Variants in DIP2C observed in about 807,000 individuals in gnomAD.
DIP2C encodes the protein DIP2 acetate--CoA ligase C (putative), also known as disco-interacting protein 2 homolog C.
DIP2C carries 33 observed loss-of-function variants against 192.4 expected under a neutral mutation model. The observed-to-expected ratio is 0.17, with a 90% CI of 0.13 to 0.23. DIP2C has a LOEUF of 0.23. Ranked by LOEUF, DIP2C falls within the 10% of genes least tolerant of loss-of-function variation. DIP2C has a pLI of 1.00. For synonymous variants in DIP2C, 979 were observed against 864.1 expected (o/e 1.13, Z -2.33); for missense variants, 1,537 against 2,110.1 (o/e 0.73, Z 5.32).
chr10:508,970 A>AC (rs1280724727), intron 1 of DIP2C, among the ~76,000 whole-genome samples: 1 of 152,090 alleles, frequency 6.6e-6, no homozygotes, highest in Non-Finnish European at 1.5e-5. Context: ...CATCCTGGGC[A>AC]CCCCTTCACA....
intron 10 of DIP2C, among the ~76,000 whole-genome samples, chr10:392,830 ACG>A (rs201987407): frequency 2.7e-5 from 4 of 147,026 alleles, no homozygotes; most frequent in Admixed American, 1.3e-4. Context: ...ACACACACAC[ACG>A]CCCACGCACA....
intron 4 of DIP2C, among the ~76,000 whole-genome samples, chr10:423,735 T>TA (rs1966374826): frequency 6.6e-6 from 1 of 151,924 alleles, no homozygotes; most frequent in African/African-American, 2.4e-5. Context: ...GTGTGTGTGT[T>TA]AGATACCCAT....
At chr10:389,456 G>A (rs573586337) in intron 13 of DIP2C, among the ~76,000 whole-genome samples, 6 of 152,228 alleles carry the variant, frequency 3.9e-5, no homozygotes, top group African/African-American at 1.4e-4. Flanking sequence ...AACACATCAC[G>A]AGCACCAATG....
intron 31 of DIP2C, among the ~76,000 whole-genome samples, chr10:323,582 G>T (rs187340287): frequency 2.1e-4 from 32 of 152,308 alleles, no homozygotes; most frequent in African/African-American, 7.7e-4. Context: ...TAGGTACAAG[G>T]TTTGGAATTC....
At chr10:329,198 GAC>G (rs1164440574) in intron 30 of DIP2C, among the ~76,000 whole-genome samples, 1 of 152,226 alleles carries the variant, frequency 6.6e-6, no homozygotes, top group African/African-American at 2.4e-5. Flanking sequence ...CCAGTGGAAT[GAC>G]AGGCATTGAA....
At chr10:586,973 C>G (rs1311301791) in intron 1 of DIP2C, among the ~76,000 whole-genome samples, 2 of 151,736 alleles carry the variant, frequency 1.3e-5, no homozygotes, top group African/African-American at 2.4e-5. Context: ...GCCAGACTAC[C>G]CGGGTCCCCA....
At chr10:659,131 CACAA>C (rs1856595914) in intron 1 of DIP2C, among the ~76,000 whole-genome samples, 2 of 152,218 alleles carry the variant, frequency 1.3e-5, no homozygotes, top group Non-Finnish European at 2.9e-5. Context: ...TTCTGGCACA[CACAA>C]ACATATGTAA....
chr10:306,330 A>G (rs1362268988), intron 32 of DIP2C, among the ~76,000 whole-genome samples: 1 of 152,040 alleles, frequency 6.6e-6, no homozygotes, highest in Admixed American at 6.6e-5. Context: ...CAGAAAACCA[A>G]GCAGAAATGG....
intron 1 of DIP2C, among the ~76,000 whole-genome samples, chr10:575,988 C>T (rs964510217): frequency 2.0e-5 from 3 of 152,208 alleles, no homozygotes; most frequent in Admixed American, 6.5e-5. Context: ...TACTCCTGCA[C>T]GTGGGTGCCA....
intron 1 of DIP2C, among the ~76,000 whole-genome samples, chr10:661,847 C>A (rs377124690): frequency 9.8e-5 from 15 of 152,358 alleles, no homozygotes; most frequent in African/African-American, 3.1e-4. Context: ...ATCTCTGAAT[C>A]AGGTCCACAC....
At chr10:480,845 A>G (rs1843550059) in intron 2 of DIP2C, among the ~76,000 whole-genome samples, 1 of 152,236 alleles carries the variant, frequency 6.6e-6, no homozygotes, top group Non-Finnish European at 1.5e-5. Context: ...TCTGGAACAC[A>G]GGTGATTCAC....
intron 24 of DIP2C, among the ~76,000 whole-genome samples, chr10:355,344 G>A (rs1011095281): frequency 5.3e-5 from 8 of 152,234 alleles, no homozygotes; most frequent in East Asian, 3.9e-4. Flanking sequence ...ACTAAGCCAC[G>A]TGCAGAGAAT....
chr10:286,164 A>T (rs1311439796), intron 34 of DIP2C, 109 bp downstream of exon 34: 1 of 1,007,046 alleles, frequency 9.9e-7, no homozygotes, highest in Non-Finnish European at 1.5e-6. Flanking sequence ...ACTCAGCTCA[A>T]ACCGGTGTGT....
intron 1 of DIP2C, among the ~76,000 whole-genome samples, chr10:580,397 C>T (rs903183933): frequency 2.6e-4 from 39 of 152,202 alleles, no homozygotes; most frequent in African/African-American, 8.2e-4. Flanking sequence ...CACAAATGTG[C>T]AAATACCCAT....
chr10:386,879 G>A (rs116158837), intron 14 of DIP2C, among the ~76,000 whole-genome samples: 2,043 of 152,234 alleles, frequency 0.013, 56 homozygotes, highest in African/African-American at 0.047. Context: ...CATGCTCCAC[G>A]TAGCTTTTAA....
intron 1 of DIP2C, among the ~76,000 whole-genome samples, chr10:499,259 G>A (rs1337546304): frequency 3.9e-5 from 6 of 152,126 alleles, no homozygotes; most frequent in South Asian, 2.1e-4. Context: ...CTGGCTGCTC[G>A]TTGGCAGCGC....
At chr10:584,384 T>TAA (rs1850862155) in intron 1 of DIP2C, among the ~76,000 whole-genome samples, 1 of 151,858 alleles carries the variant, frequency 6.6e-6, no homozygotes, top group Admixed American at 6.6e-5. Context: ...GCCCACGACC[T>TAA]GACACCCACT....
At chr10:384,002 A>G (rs1176983867) in intron 16 of DIP2C, 25 bp downstream of exon 16, 2 of 1,495,694 alleles carry the variant, frequency 1.3e-6, no homozygotes, top group South Asian at 2.8e-5. Context: ...CGCCTGCCTC[A>G]CGAGATCACA....
chr10:635,942 G>C (rs1854808737), intron 1 of DIP2C, among the ~76,000 whole-genome samples: 1 of 152,186 alleles, frequency 6.6e-6, no homozygotes, highest in Admixed American at 6.5e-5. Context: ...CATCGAGATA[G>C]AGTCACTCAA....
Sources: allele counts gnomAD v4.1 joint callset (sites outside exome capture counted in the v4.1 genomes callset), GRCh38; gene constraint gnomAD v4.1.1; transcripts MANE v1.5; gene names NCBI Gene and HGNC (gene_info 2026-07-23, HGNC 2026-07-21).